Variants in HFM1 observed in about 807,000 individuals in gnomAD.
HFM1 encodes the protein helicase for meiosis 1, also known as probable ATP-dependent DNA helicase HFM1.
A neutral mutation model predicts 192.1 loss-of-function variants in HFM1; 169 were observed. The observed-to-expected ratio is 0.88, with a 90% CI of 0.78 to 1.00. HFM1 has a LOEUF of 1.00. Among genes scored for constraint, HFM1 ranks in the 50% least tolerant of loss-of-function variants. HFM1 has a pLI of 0.00. For synonymous variants in HFM1, 525 were observed against 537.8 expected (o/e 0.98, Z 0.33); for missense variants, 1,661 against 1,668.0 (o/e 1.00, Z 0.07).
chr1:91,328,659 G>A, intron 20 of HFM1: 1 of 1,594,794 alleles, frequency 6.3e-7, no homozygotes, highest in Non-Finnish European at 8.6e-7. Context: ...CACAGCACAA[G>A]TCAGGCGAGC....
chr1:91,361,369 A>G (rs1658493535), intron 13 of HFM1, among the ~76,000 whole-genome samples: 1 of 152,178 alleles, frequency 6.6e-6, no homozygotes, highest in South Asian at 2.1e-4. Context: ...GATATGGGGG[A>G]TATCACCACT....
chr1:91,296,673 A>C lies in HFM1; in HGVS notation c.3391+16676T>G, dbSNP rs548641675. Among the ~76,000 whole-genome samples, 30 of 152,302 alleles carry C rather than the reference A, an allele frequency of 2.0e-4. 1 individual carries two copies. In the South Asian group the frequency reaches 5.0e-3, roughly 25 times the overall value. ...AGTTCTTGAAACGGTATCTTAATTA[A>C]GTATGTTTTCCCTAATTTCCCTTAA... is the stretch of plus-strand genomic sequence containing the variant. On this transcript the variant is annotated intron_variant, in intron 30 of 38. Transcript: ENST00000370425.
intron 36 of HFM1, among the ~76,000 whole-genome samples, chr1:91,263,506 T>C (rs1037694284): frequency 3.3e-5 from 5 of 151,806 alleles, no homozygotes; most frequent in African/African-American, 1.2e-4. Flanking sequence ...TTTTGGGAGG[T>C]TGAGGTGGGA....
intron 30 of HFM1, among the ~76,000 whole-genome samples, chr1:91,286,374 A>T (rs1053492035): frequency 6.6e-6 from 1 of 152,200 alleles, no homozygotes; most frequent in Non-Finnish European, 1.5e-5. Flanking sequence ...TGAATTCTCT[A>T]GGAGAGGATC....
chr1:91,338,984 C>T (rs1163425488), intron 20 of HFM1: 1 of 455,730 alleles, frequency 2.2e-6, no homozygotes, highest in Non-Finnish European at 4.4e-6. Context: ...AAGCCATGAG[C>T]ATGCAGCCCA....
Position 91,296,543 on chromosome 1 carries a change from GA to G in HFM1, c.3391+16805del, listed in dbSNP as rs757443127. Among the ~76,000 whole-genome samples, 91 of 149,712 alleles carry G rather than the reference GA, an allele frequency of 6.1e-4. 3 individuals carry two copies. The East Asian group carries it at 0.013, about 22-fold the overall frequency. Reference sequence around the variant, plus strand: ...ATTTTATAATTAGCTGGTTATTTCAGAAAAAAAAATGACAACAACAACAAAA... The same window carrying G: ...ATTTTATAATTAGCTGGTTATTTCAGAAAAAAAATGACAACAACAACAAAA... On this transcript the variant is annotated intron_variant, in intron 30 of 38. Transcript: ENST00000370425.
At chr1:91,292,868 G>C (rs1668940875) in intron 30 of HFM1, among the ~76,000 whole-genome samples, 1 of 152,084 alleles carries the variant, frequency 6.6e-6, no homozygotes, top group Admixed American at 6.6e-5. Context: ...TAGATCAATG[G>C]AACAGAATAG....
intron 20 of HFM1, among the ~76,000 whole-genome samples, chr1:91,332,243 G>T (rs1296081999): frequency 6.6e-6 from 1 of 152,098 alleles, no homozygotes; most frequent in Admixed American, 6.6e-5. Context: ...TATGGTACTG[G>T]CATAAAAACA....
At chr1:91,378,257 A>T in intron 10 of HFM1, 74 bp from the exon 11 acceptor site, 1 of 1,284,434 alleles carries the variant, frequency 7.8e-7, no homozygotes, top group Non-Finnish European at 1.1e-6. Context: ...ATATTCAATA[A>T]TATTAACATT....
rs117944847 is a variant in HFM1, at chr1:91,375,942, A to G, written c.1396-215T>C. Among the ~76,000 whole-genome samples, 56 of 151,988 alleles carry G rather than the reference A, an allele frequency of 3.7e-4. No individual in the cohort carries two copies. In the East Asian group the frequency reaches 9.1e-3, roughly 25 times the overall value. On this transcript the variant is annotated intron_variant, in intron 11 of 38. Transcript: ENST00000370425. ...TATTTCAAGATTATACCCACTTTTC[A>G]CCATGGTAAACTTCCAATTAATTAT...
intron 20 of HFM1, among the ~76,000 whole-genome samples, chr1:91,332,433 TGATA>T (rs1653966200): frequency 6.6e-6 from 1 of 152,130 alleles, no homozygotes; most frequent in Non-Finnish European, 1.5e-5. Flanking sequence ...CCCTATCTCT[TGATA>T]TATATAAAAA....
At chr1:91,405,740 T>C (rs1353721174), upstream of HFM1, among the ~76,000 whole-genome samples, 1 of 152,222 alleles carries the variant, frequency 6.6e-6, no homozygotes, top group Non-Finnish European at 1.5e-5. Flanking sequence ...TATTAATTTC[T>C]TTCACCTTCT....
intron 4 of HFM1, among the ~76,000 whole-genome samples, chr1:91,386,211 T>C (rs1006577663): frequency 5.9e-5 from 9 of 152,198 alleles, no homozygotes; most frequent in Non-Finnish European, 1.2e-4. Context: ...ACATTGCCCC[T>C]TCCCCATGGT....
chr1:91,369,807 T>G (rs1659912329), intron 13 of HFM1, among the ~76,000 whole-genome samples: 1 of 151,974 alleles, frequency 6.6e-6, no homozygotes, highest in Admixed American at 6.6e-5. Flanking sequence ...CAGGAACTGG[T>G]TTTTTGAGAA....
chr1:91,284,269 G>A (rs1476734433), intron 30 of HFM1, among the ~76,000 whole-genome samples: 2 of 151,148 alleles, frequency 1.3e-5, no homozygotes, highest in African/African-American at 4.9e-5. Context: ...TTGAGATAGA[G>A]TTTTGCCTTT....
intron 6 of HFM1, among the ~76,000 whole-genome samples, chr1:91,382,902 C>CG (rs1661724050): frequency 6.6e-6 from 1 of 152,120 alleles, no homozygotes. Context: ...GTCTGCAGAA[C>CG]TGAAAATGAC....
intron 20 of HFM1, among the ~76,000 whole-genome samples, chr1:91,325,256 C>G (rs1419558317): frequency 6.6e-6 from 1 of 152,200 alleles, no homozygotes; most frequent in East Asian, 1.9e-4. Context: ...CAGGCAGAGA[C>G]TCTTCCAATC....
chr1:91,310,703 G>A (rs1334159399), intron 30 of HFM1, among the ~76,000 whole-genome samples: 1 of 152,184 alleles, frequency 6.6e-6, no homozygotes, highest in African/African-American at 2.4e-5. Context: ...AGTCTCAAGA[G>A]ATCTGATGGG....
intron 30 of HFM1, among the ~76,000 whole-genome samples, chr1:91,300,014 T>A (rs192943458): frequency 2.0e-5 from 3 of 151,528 alleles, no homozygotes; most frequent in Non-Finnish European, 3.0e-5. Context: ...TTTTGAAAGA[T>A]AACAAAATTG....
Sources: allele counts gnomAD v4.1 joint callset (sites outside exome capture counted in the v4.1 genomes callset), GRCh38; gene constraint gnomAD v4.1.1; transcripts MANE v1.5; gene names NCBI Gene and HGNC (gene_info 2026-07-23, HGNC 2026-07-21).